Variants in PRPSAP2 observed in about 807,000 individuals in gnomAD.
The protein encoded by PRPSAP2 is phosphoribosyl pyrophosphate synthase-associated protein 2.
In PRPSAP2, 24 loss-of-function variants were observed where a neutral mutation model predicts 40.6. That is an observed-to-expected ratio of 0.59 (90% CI 0.43 to 0.83). PRPSAP2 has a LOEUF of 0.83. Among genes scored for constraint, PRPSAP2 ranks in the 40% least tolerant of loss-of-function variants. PRPSAP2 has a pLI of 0.00. For synonymous variants in PRPSAP2, 149 were observed against 164.7 expected (o/e 0.90, Z 0.73); for missense variants, 292 against 465.6 (o/e 0.63, Z 3.43).
At chr17:18,871,342 T>C (rs1356765769) in intron 4 of PRPSAP2, among the ~76,000 whole-genome samples, 1 of 152,122 alleles carries the variant, frequency 6.6e-6, no homozygotes, top group African/African-American at 2.4e-5. Flanking sequence ...TATAGTTGTT[T>C]TTTCCAACAC....
intron 8 of PRPSAP2, among the ~76,000 whole-genome samples, 193 bp from the exon 9 acceptor site, chr17:18,910,910 G>A (rs1175364744): frequency 1.3e-5 from 2 of 152,104 alleles, no homozygotes; most frequent in Admixed American, 6.6e-5. Context: ...TGCTGCAGAG[G>A]GAAGTGTTTG....
chr17:18,912,803 G>A (rs556306687), intron 9 of PRPSAP2, among the ~76,000 whole-genome samples: 11 of 152,272 alleles, frequency 7.2e-5, no homozygotes, highest in African/African-American at 2.4e-4. Flanking sequence ...GGGTAGCCAA[G>A]GTGGGAGGGT....
intron 10 of PRPSAP2, 69 bp downstream of exon 10, chr17:18,924,053 T>C: frequency 1.4e-6 from 2 of 1,471,944 alleles, no homozygotes; most frequent in African/African-American, 1.4e-5. Flanking sequence ...ATTGATTGAT[T>C]GATTTTATTA....
chr17:18,876,000 G>A (rs1187701236), intron 5 of PRPSAP2, among the ~76,000 whole-genome samples: 1 of 152,070 alleles, frequency 6.6e-6, no homozygotes, highest in Non-Finnish European at 1.5e-5. Flanking sequence ...GGGCATGGTG[G>A]CGCATGCCTG....
At chr17:18,915,803 T>C (rs1056990337) in intron 9 of PRPSAP2, among the ~76,000 whole-genome samples, 3 of 151,412 alleles carry the variant, frequency 2.0e-5, no homozygotes, top group Non-Finnish European at 2.9e-5. Flanking sequence ...CACCTCTCAA[T>C]AGCGCACACT....
At chr17:18,889,647 A>C (rs889557452) in intron 7 of PRPSAP2, among the ~76,000 whole-genome samples, 175 bp from the exon 8 acceptor site, 4 of 152,258 alleles carry the variant, frequency 2.6e-5, no homozygotes, top group African/African-American at 9.6e-5. Flanking sequence ...TGTGTGGCTC[A>C]CAAGTTAGTA....
intron 7 of PRPSAP2, among the ~76,000 whole-genome samples, chr17:18,887,310 G>A (rs1260395355): frequency 6.6e-6 from 1 of 151,468 alleles, no homozygotes; most frequent in African/African-American, 2.4e-5. Flanking sequence ...ATTTTAAATG[G>A]GTTCAAACAA....
At chr17:18,887,775 G>T (rs1366094043) in intron 7 of PRPSAP2, among the ~76,000 whole-genome samples, 3 of 151,764 alleles carry the variant, frequency 2.0e-5, no homozygotes, top group Admixed American at 2.0e-4. Context: ...GGTTTCTTTA[G>T]ACCATAATAA....
intron 9 of PRPSAP2, chr17:18,917,582 T>TTATTATTAC (rs2041426399): frequency 1.6e-5 from 1 of 62,912 alleles, no homozygotes; most frequent in Non-Finnish European, 2.7e-5. Flanking sequence ...ATTATTATTA[T>TTATTATTAC]TATTTTTTTT....
At chr17:18,928,549 T>C in intron 10 of PRPSAP2, 1 of 453,338 alleles carries the variant, frequency 2.2e-6, no homozygotes, top group South Asian at 1.9e-5. Flanking sequence ...CAGAAAACAG[T>C]GCTACCCCTG....
At chr17:18,869,274 A>C (rs2037662161) in intron 4 of PRPSAP2, among the ~76,000 whole-genome samples, 1 of 152,090 alleles carries the variant, frequency 6.6e-6, no homozygotes, top group African/African-American at 2.4e-5. Context: ...GATTGATGTT[A>C]GGTACGAGGT....
intron 5 of PRPSAP2, among the ~76,000 whole-genome samples, chr17:18,873,486 G>A (rs1360534110): frequency 8.6e-5 from 13 of 152,020 alleles, no homozygotes. Context: ...GATTACAGGC[G>A]TGAGCCACTG....
At chr17:18,892,803 C>T (rs1000873289) in intron 8 of PRPSAP2, among the ~76,000 whole-genome samples, 3 of 150,940 alleles carry the variant, frequency 2.0e-5, no homozygotes, top group East Asian at 3.9e-4. Flanking sequence ...GGCGCGATCT[C>T]GGCTCACTGC....
At chr17:18,892,541 C>T (rs1334860922) in intron 8 of PRPSAP2, among the ~76,000 whole-genome samples, 1 of 150,840 alleles carries the variant, frequency 6.6e-6, no homozygotes, top group African/African-American at 2.4e-5. Context: ...TGAAATTCTA[C>T]CTTATCGTGG....
intron 9 of PRPSAP2, among the ~76,000 whole-genome samples, chr17:18,919,675 T>C (rs968631907): frequency 6.6e-6 from 1 of 152,156 alleles, no homozygotes; most frequent in African/African-American, 2.4e-5. Context: ...CTAAAAAAGA[T>C]AGCAGGAGGG....
intron 8 of PRPSAP2, among the ~76,000 whole-genome samples, chr17:18,906,484 G>A (rs1391260123): frequency 2.6e-5 from 4 of 152,120 alleles, no homozygotes; most frequent in African/African-American, 9.7e-5. Context: ...AAAGTGCTGG[G>A]ATTACAGGCG....
chr17:18,905,439 G>A (rs1340538860), intron 8 of PRPSAP2, among the ~76,000 whole-genome samples: 2 of 152,180 alleles, frequency 1.3e-5, no homozygotes, highest in Non-Finnish European at 2.9e-5. Context: ...CTTCCTTAGA[G>A]GATAACTAAC....
chr17:18,898,885 GTGTT>G (rs55864350), intron 8 of PRPSAP2, among the ~76,000 whole-genome samples: 64,871 of 150,662 alleles, frequency 0.43, 14,079 homozygotes, highest in South Asian at 0.52. Flanking sequence ...TAAATGTCAG[GTGTT>G]TGTTTGTTTG....
At chr17:18,913,541 CTTTTT>C (rs35697920) in intron 9 of PRPSAP2, among the ~76,000 whole-genome samples, 1 of 73,952 alleles carries the variant, frequency 1.4e-5, no homozygotes, top group Non-Finnish European at 2.5e-5. Flanking sequence ...GCGTCTGGTT[CTTTTT>C]TTTTTTTTTT....
Sources: allele counts gnomAD v4.1 joint callset (sites outside exome capture counted in the v4.1 genomes callset), GRCh38; gene constraint gnomAD v4.1.1; transcripts MANE v1.5; gene names NCBI Gene and HGNC (gene_info 2026-07-23, HGNC 2026-07-21).